Variants in SLC25A12 observed in about 807,000 individuals in gnomAD.
SLC25A12 encodes electrogenic aspartate/glutamate antiporter SLC25A12, mitochondrial.
In SLC25A12, 32 loss-of-function variants were observed where a neutral mutation model predicts 83.3. The observed-to-expected ratio is 0.38, with a 90% CI of 0.29 to 0.52. The LOEUF (loss-of-function observed/expected upper bound fraction) is 0.52, where lower values mean the gene tolerates loss of function less well. Among genes scored for constraint, SLC25A12 ranks in the 20% least tolerant of loss-of-function variants. The probability of loss-of-function intolerance (pLI) is 0.84; values close to 1 mark genes in which losing one functional copy is unlikely to be tolerated. For synonymous variants in SLC25A12, 267 were observed against 291.1 expected (o/e 0.92, Z 0.84); for missense variants, 611 against 835.6 (o/e 0.73, Z 3.31).
chr2:171,879,433 T>C (rs1158680543), intron 2 of SLC25A12, among the ~76,000 whole-genome samples: 1 of 152,238 alleles, frequency 6.6e-6, no homozygotes, highest in East Asian at 1.9e-4. Context: ...TACTGAATGA[T>C]GCAATTTCTA....
chr2:171,839,160 T>A (rs1321870201), intron 5 of SLC25A12, among the ~76,000 whole-genome samples: 1 of 152,272 alleles, frequency 6.6e-6, no homozygotes, highest in East Asian at 1.9e-4. Flanking sequence ...AGGCAGACAT[T>A]TCCTTTTTTA....
chr2:171,869,763 G>T (rs1685419601), intron 2 of SLC25A12, among the ~76,000 whole-genome samples: 1 of 152,186 alleles, frequency 6.6e-6, no homozygotes, highest in African/African-American at 2.4e-5. Flanking sequence ...CAACAAAGCA[G>T]TAAGATCAGA....
At chr2:171,872,007 C>CT (rs1185803252) in intron 2 of SLC25A12, among the ~76,000 whole-genome samples, 27 of 147,324 alleles carry the variant, frequency 1.8e-4, no homozygotes, top group African/African-American at 3.7e-4. Flanking sequence ...CCAATATGGA[C>CT]TTTTTTTTTA....
chr2:171,878,457 ATTC>A (rs1685617063), intron 2 of SLC25A12, among the ~76,000 whole-genome samples: 2 of 152,174 alleles, frequency 1.3e-5, no homozygotes, highest in African/African-American at 2.4e-5. Context: ...TGCTTAGTGA[ATTC>A]TTCTGCTTTT....
chr2:171,844,507 T>A lies in SLC25A12; in HGVS notation c.327A>T (p.Glu109Asp), dbSNP rs766141985. The A allele has an allele frequency of 1.9e-6, 3 of 1,572,600 alleles. No individual in the cohort carries two copies. In the Admixed American group the frequency reaches 5.0e-5, roughly 26 times the overall value. The part of the protein sequence containing the change: ...DKSGNGEVTF[E>D]NVKEIFGQTI... ...TCTGTCCAAAAATTTCTTTGACATT[T>A]TCTTAAAAGGGAAAACAAAAATAAA... is the stretch of plus-strand genomic sequence containing the variant. The change falls in exon 5 of 18, where the codon GAA becomes GAT. Residue 109 changes from glutamate to aspartate, a missense_variant and splice_region_variant. Glu to Asp is a conservative substitution (Grantham distance 45). This residue lies in a region of SLC25A12 where 540 missense variants were observed against 777.5 expected (regional missense o/e 0.69). Coordinates refer to ENST00000422440, the MANE Select transcript of SLC25A12 (RefSeq NM_003705.5).
intron 1 of SLC25A12, among the ~76,000 whole-genome samples, chr2:171,893,867 C>T (rs975586085): frequency 6.6e-6 from 1 of 152,162 alleles, no homozygotes; most frequent in Non-Finnish European, 1.5e-5. Context: ...GTATCCCCAG[C>T]TTTACTTGCC....
chr2:171,845,189 A>G (rs1684767272), intron 4 of SLC25A12, among the ~76,000 whole-genome samples: 1 of 152,182 alleles, frequency 6.6e-6, no homozygotes, highest in Non-Finnish European at 1.5e-5. Context: ...AGCTAAATAC[A>G]GTACACTAAT....
chr2:171,796,473 A>G (rs1409828185), intron 13 of SLC25A12, among the ~76,000 whole-genome samples: 1 of 152,052 alleles, frequency 6.6e-6, no homozygotes, highest in African/African-American at 2.4e-5. Context: ...TGAAGGAGGA[A>G]AACTTCTGAC....
chr2:171,885,305 C>T (rs1685794005), intron 2 of SLC25A12, among the ~76,000 whole-genome samples: 1 of 151,378 alleles, frequency 6.6e-6, no homozygotes, highest in South Asian at 2.1e-4. Flanking sequence ...CACTATCCTG[C>T]TAGTCTGCCT....
Position 171,839,862 on chromosome 2 carries a change from T to A in SLC25A12, c.466-2595A>T, listed in dbSNP as rs147412931. ...TGGAGCTGAAAACAAGGGGCTTAGC[T>A]GGATATCTGTTTAAGAAGCAGTTAG... On this transcript the variant is annotated intron_variant, in intron 5 of 17. Coordinates refer to ENST00000422440, the MANE Select transcript of SLC25A12 (RefSeq NM_003705.5). Among the ~76,000 whole-genome samples, 657 of 152,224 alleles carry A rather than the reference T, an allele frequency of 4.3e-3. 5 individuals carry two copies. The highest frequency in any genetic ancestry group is 0.015 in the African/African-American group (632 of 41,528).
chr2:171,802,043 CCTA>C (rs1683718789), intron 13 of SLC25A12, among the ~76,000 whole-genome samples: 1 of 151,704 alleles, frequency 6.6e-6, no homozygotes, highest in Non-Finnish European at 1.5e-5. Flanking sequence ...TTATTTAAAA[CCTA>C]CTGTTACATA....
At chr2:171,890,621 A>G (rs752399794) in intron 2 of SLC25A12, among the ~76,000 whole-genome samples, 2 of 152,160 alleles carry the variant, frequency 1.3e-5, no homozygotes, top group African/African-American at 4.8e-5. Flanking sequence ...AGCTGGGACC[A>G]CAGATGGATG....
At chr2:171,880,228 T>C (rs917860724) in intron 2 of SLC25A12, among the ~76,000 whole-genome samples, 5 of 152,214 alleles carry the variant, frequency 3.3e-5, no homozygotes, top group South Asian at 2.1e-4. Context: ...GTATGAATTT[T>C]AAAGTTTATT....
At position 171,784,434 on chromosome 2, in the gene SLC25A12, T is replaced by C. The variant is rs1045417514; in HGVS notation, c.*840A>G. 1 of 152,282 alleles carries C rather than the reference T, an allele frequency of 6.6e-6. No individual in the cohort carries two copies. Among genetic ancestry groups the C allele is most frequent in the Non-Finnish European group, 1.5e-5 (1 of 68,058 alleles). 9.4% of individuals were successfully genotyped at this position (152,282 alleles called of 1,614,324 possible). A position where few individuals can be genotyped will look rare whatever the true frequency, so the allele number is the denominator to read the frequency against. On this transcript the variant is annotated 3_prime_UTR_variant, in exon 18 of 18. Transcript: ENST00000422440. ...TCCATATGAAGGGAAATTGTGAAAG[T>C]ATCCTTTACTCTTTTGAAAGCTTGG...
intron 2 of SLC25A12, among the ~76,000 whole-genome samples, chr2:171,878,085 A>T (rs1287721658): frequency 6.6e-6 from 1 of 152,186 alleles, no homozygotes; most frequent in Non-Finnish European, 1.5e-5. Context: ...GTTATTTTGC[A>T]TTCATTTTGA....
At chr2:171,810,622 CT>C (rs1683928548) in intron 11 of SLC25A12, among the ~76,000 whole-genome samples, 1 of 152,196 alleles carries the variant, frequency 6.6e-6, no homozygotes. Flanking sequence ...AATTCCCTCC[CT>C]TATTACAACC....
At chr2:171,794,064 A>G (rs1683546070) in intron 13 of SLC25A12, among the ~76,000 whole-genome samples, 1 of 152,214 alleles carries the variant, frequency 6.6e-6, no homozygotes, top group African/African-American at 2.4e-5. Flanking sequence ...TCAAAATAAC[A>G]AAATAAACCC....
At chr2:171,811,225 A>C (rs764280457) in intron 11 of SLC25A12, among the ~76,000 whole-genome samples, 7 of 152,222 alleles carry the variant, frequency 4.6e-5, no homozygotes, top group Non-Finnish European at 2.9e-5. Flanking sequence ...GATACTGCTG[A>C]GTTCCATAAG....
At chr2:171,854,174 A>G (rs58943587) in intron 4 of SLC25A12, among the ~76,000 whole-genome samples, 129 of 152,318 alleles carry the variant, frequency 8.5e-4, no homozygotes, top group African/African-American at 2.9e-3. Context: ...TACAGAATCT[A>G]GGTGTTTCTG....
Sources: allele counts gnomAD v4.1 joint callset (sites outside exome capture counted in the v4.1 genomes callset), GRCh38; gene constraint gnomAD v4.1.1; regional missense constraint gnomAD v4.1.1; transcripts MANE v1.5; gene names NCBI Gene and HGNC (gene_info 2026-07-23, HGNC 2026-07-21).